GPD2: variants seen among roughly 807,000 people sequenced by gnomAD.
GPD2 encodes glycerol-3-phosphate dehydrogenase, mitochondrial.
A neutral mutation model predicts 82.4 loss-of-function variants in GPD2; 54 were observed. The ratio of observed to expected loss-of-function variants is 0.66; its 90% CI spans 0.53 to 0.82. The LOEUF (loss-of-function observed/expected upper bound fraction) is 0.82. Ranked by LOEUF, GPD2 falls within the 40% of genes least tolerant of loss-of-function variation. The pLI, the probability that GPD2 is intolerant of heterozygous loss-of-function variation, is 0.00. For synonymous variants in GPD2, 288 were observed against 306.1 expected (o/e 0.94, Z 0.62); for missense variants, 748 against 896.2 (o/e 0.83, Z 2.11).
intron 8 of GPD2, among the ~76,000 whole-genome samples, chr2:156,552,433 T>C (rs1251219638): frequency 6.6e-6 from 1 of 152,246 alleles, no homozygotes; most frequent in African/African-American, 2.4e-5. Flanking sequence ...TTGTATACGC[T>C]TTTGTGTTCG....
intron 13 of GPD2, among the ~76,000 whole-genome samples, chr2:156,574,239 G>A (rs1687739284): frequency 6.6e-6 from 1 of 151,936 alleles, no homozygotes; most frequent in Non-Finnish European, 1.5e-5. Context: ...TTGCCAAATT[G>A]TGTTCTGCAG....
At chr2:156,575,578 A>T (rs529771563) in intron 13 of GPD2, among the ~76,000 whole-genome samples, 4 of 149,970 alleles carry the variant, frequency 2.7e-5, no homozygotes, top group African/African-American at 7.4e-5. Flanking sequence ...AGTTTTTAAA[A>T]TTTTTTTTGT....
chr2:156,484,280 C>A (rs938770831), intron 2 of GPD2, among the ~76,000 whole-genome samples: 1 of 151,790 alleles, frequency 6.6e-6, no homozygotes, highest in African/African-American at 2.4e-5. Context: ...GGATTACAGT[C>A]GCCTGCCACC....
At chr2:156,551,758 T>C (rs1408071152) in intron 8 of GPD2, among the ~76,000 whole-genome samples, 1 of 152,214 alleles carries the variant, frequency 6.6e-6, no homozygotes, top group Non-Finnish European at 1.5e-5. Context: ...ACTAATGATA[T>C]AATGTCAATT....
At chr2:156,418,166 GA>G in the GPD2 span, among the ~76,000 whole-genome samples, 2 of 152,018 alleles carry the variant, frequency 1.3e-5, no homozygotes, top group East Asian at 3.9e-4. Flanking sequence ...AGTGCGCGGA[GA>G]TTGAGCCACT....
At chr2:156,505,163 T>A (rs1396254365) in intron 3 of GPD2, among the ~76,000 whole-genome samples, 1 of 152,184 alleles carries the variant, frequency 6.6e-6, no homozygotes, top group African/African-American at 2.4e-5. Flanking sequence ...TGGAAGTAAT[T>A]AGAAATTCTC....
chr2:156,488,404 C>T (rs1684025005), intron 2 of GPD2, among the ~76,000 whole-genome samples: 1 of 152,084 alleles, frequency 6.6e-6, no homozygotes, highest in Non-Finnish European at 1.5e-5. Context: ...ACGATTCCAT[C>T]GATCGACTCA....
chr2:156,432,947 A>G (rs528740040), upstream of GPD2, among the ~76,000 whole-genome samples: 145 of 152,240 alleles, frequency 9.5e-4, no homozygotes, highest in African/African-American at 3.3e-3. Context: ...AGATGCCAAC[A>G]TCTTTCTGCT....
chr2:156,541,130 T>G (rs543734937), intron 6 of GPD2, among the ~76,000 whole-genome samples: 21 of 152,358 alleles, frequency 1.4e-4, no homozygotes, highest in African/African-American at 4.8e-4. Context: ...CTCATTACTA[T>G]TCTCCTTCCA....
At chr2:156,528,230 G>A (rs1685686125) in intron 6 of GPD2, among the ~76,000 whole-genome samples, 1 of 151,870 alleles carries the variant, frequency 6.6e-6, no homozygotes, top group Admixed American at 6.6e-5. Flanking sequence ...AAACCGGATT[G>A]AAACATGTCT....
chr2:156,451,368 T>C (rs1479085367), intron 1 of GPD2, among the ~76,000 whole-genome samples: 3 of 133,754 alleles, frequency 2.2e-5, no homozygotes, highest in Admixed American at 7.4e-5. Flanking sequence ...TAGGGGCGGC[T>C]GGGCAGAGGC....
intron 1 of GPD2, among the ~76,000 whole-genome samples, chr2:156,474,353 C>T (rs1311388324): frequency 6.6e-6 from 1 of 151,876 alleles, no homozygotes. Context: ...CAGTATGGAC[C>T]CAAATATTTA....
In GPD2 at chr2:156,547,664, A is replaced by G. The variant is rs568682106; in HGVS notation, c.662-1944A>G. On this transcript the variant is annotated intron_variant, in intron 6 of 16. Transcript: ENST00000438166. ...GTTAAGCTTGCTTACCTGCAGTCAT[A>G]TTCAGATTTAGATGCTAATTAGGGA... is the stretch of plus-strand genomic sequence containing the variant. 7.2e-5 allele frequency among the ~76,000 whole-genome samples: 11 copies of G among 152,324 alleles called. No homozygotes were observed. The East Asian group carries it at 2.1e-3, about 29-fold the overall frequency.
chr2:156,564,237 T>C (rs1030477845), intron 9 of GPD2, among the ~76,000 whole-genome samples: 1 of 152,164 alleles, frequency 6.6e-6, no homozygotes, highest in Admixed American at 6.6e-5. Flanking sequence ...TTATCTTCAC[T>C]CTGCCATCCT....
intron 1 of GPD2, among the ~76,000 whole-genome samples, chr2:156,446,343 G>A (rs1052245810): frequency 4.6e-5 from 7 of 152,050 alleles, no homozygotes; most frequent in Non-Finnish European, 5.9e-5. Flanking sequence ...CAGTCCGCCC[G>A]CCTCAACCTC....
At chr2:156,543,578 A>G (rs1193775166) in intron 6 of GPD2, among the ~76,000 whole-genome samples, 1 of 152,244 alleles carries the variant, frequency 6.6e-6, no homozygotes, top group African/African-American at 2.4e-5. Context: ...TGTATGTACA[A>G]AGTTCTCTGG....
intron 6 of GPD2, among the ~76,000 whole-genome samples, chr2:156,539,192 T>C (rs568684061): frequency 6.6e-6 from 1 of 152,352 alleles, no homozygotes; most frequent in Admixed American, 6.5e-5. Flanking sequence ...TTCATTCTTA[T>C]AATGCTTTGC....
At chr2:156,553,563 A>G (rs1008093871) in intron 8 of GPD2, among the ~76,000 whole-genome samples, 3 of 152,226 alleles carry the variant, frequency 2.0e-5, no homozygotes, top group African/African-American at 7.2e-5. Flanking sequence ...TAGAAATATG[A>G]AAATGAAAAT....
intron 6 of GPD2, among the ~76,000 whole-genome samples, chr2:156,537,526 C>G (rs918767567): frequency 1.3e-5 from 2 of 152,016 alleles, no homozygotes; most frequent in Non-Finnish European, 2.9e-5. Flanking sequence ...CTAAGTCATA[C>G]GTTTTCAATT....
Sources: gnomAD v4.1 joint callset for allele counts (sites outside exome capture counted in the v4.1 genomes callset) on GRCh38, gnomAD v4.1.1 for gene constraint, MANE v1.5 for transcripts, NCBI Gene and HGNC (gene_info 2026-07-23, HGNC 2026-07-21) for gene names.